Variants in ITIH3 observed in about 807,000 individuals in gnomAD.
The protein encoded by ITIH3 is inter-alpha-trypsin inhibitor heavy chain 3.
ITIH3 carries 81 observed loss-of-function variants against 96.5 expected under a neutral mutation model. That is an observed-to-expected ratio of 0.84 (90% CI 0.70 to 1.01). The LOEUF (loss-of-function observed/expected upper bound fraction) is 1.01, where lower values mean the gene tolerates loss of function less well. Ranked by LOEUF, ITIH3 falls within the 50% of genes least tolerant of loss-of-function variation. The probability of loss-of-function intolerance (pLI) is 0.00; values close to 1 mark genes in which losing one functional copy is unlikely to be tolerated. For missense variants in ITIH3, 1,057 were observed against 1,139.3 expected, an observed-to-expected ratio of 0.93 and a Z score of 1.04; for synonymous variants, 422 against 445.2, an observed-to-expected ratio of 0.95 and a Z score of 0.66.
In ITIH3 at chr3:52,805,810, A is replaced by G. The variant is rs1200265488; in HGVS notation, c.1876A>G (p.Thr626Ala). Residue 626 changes from threonine (T) to alanine (A), a missense_variant and splice_region_variant, in exon 16 of 22, where the codon ACA (threonine) becomes GCA (alanine). Transcript: ENST00000449956. ...ADKPGEDAEA[T>A]PVSPAMSYLT... The stretch of plus-strand genomic sequence containing the variant: ...ACCACTGCCCTTCGGCTTTTCAGCC[A>G]CACCGGTGAGCCCCGCCATGTCCTA... 18 of 1,613,412 alleles carry G rather than the reference A, an allele frequency of 1.1e-5. No individual in the cohort carries two copies. The highest frequency in any genetic ancestry group is 1.5e-5 in the Non-Finnish European group (18 of 1,179,696).
intron 18 of ITIH3, 109 bp from the exon 19 acceptor site, chr3:52,806,792 G>T: frequency 4.7e-6 from 4 of 853,938 alleles, no homozygotes; most frequent in Non-Finnish European, 7.6e-6. Flanking sequence ...TGTGGCCCCC[G>T]CTCTGCTGCC....
At position 52,796,624 on chromosome 3, in the gene ITIH3, G is replaced by A. The variant is rs770180023; in HGVS notation, c.258G>A (p.Thr86=). Residue 86 remains threonine, a synonymous_variant, in exon 3 of 22, where the codon ACG becomes ACA. Transcript: ENST00000449956. The part of the protein sequence containing the change: ...EVSFDVELPK[T]AFITNFTLTI... Reference sequence around the variant, plus strand: ...CCTTTGATGTGGAGCTGCCCAAGACGGCCTTCATCACCAACTTCACCTTGT... The same window carrying A: ...CCTTTGATGTGGAGCTGCCCAAGACAGCCTTCATCACCAACTTCACCTTGT... 6.2e-6 allele frequency: 10 copies of A among 1,612,430 alleles called. No homozygotes were observed. The highest frequency in any genetic ancestry group is 1.1e-5 in the South Asian group (1 of 90,828).
intron 5 of ITIH3, 38 bp from the exon 6 acceptor site, chr3:52,797,779 G>A: frequency 1.5e-6 from 2 of 1,339,206 alleles, no homozygotes; most frequent in Non-Finnish European, 2.1e-6. Flanking sequence ...TGGCCTCTGA[G>A]GTCACTGAGT....
intron 15 of ITIH3, 104 bp downstream of exon 15, chr3:52,804,838 A>G: frequency 7.7e-7 from 1 of 1,294,950 alleles, no homozygotes; most frequent in African/African-American, 1.5e-5. Flanking sequence ...ATGGGGGCAC[A>G]CTTGGGACAC....
At chr3:52,804,353 C>T in intron 14 of ITIH3, 3 of 436,170 alleles carry the variant, frequency 6.9e-6, no homozygotes, top group South Asian at 6.0e-5. Context: ...CTGGAGCAGG[C>T]TATCAGGCAC....
chr3:52,801,798 A>T (rs1699839549), intron 11 of ITIH3, among the ~76,000 whole-genome samples: 2 of 152,254 alleles, frequency 1.3e-5, no homozygotes, highest in Admixed American at 6.5e-5. Context: ...CATAACAGAC[A>T]TACCTACACT....
intron 2 of ITIH3, 114 bp from the exon 3 acceptor site, chr3:52,796,367 G>A (rs1699579781): frequency 3.6e-6 from 3 of 835,270 alleles, no homozygotes; most frequent in Non-Finnish European, 3.8e-6. Flanking sequence ...GATGAGGGTT[G>A]CGTGCCGGGC....
In ITIH3 at chr3:52,805,751, G is replaced by A. The variant is rs747631286; in HGVS notation, c.1874-57G>A. Reference sequence around the variant, plus strand: ...AGCGCTAAGACAGGAGGAAGGCACGGGGCTGGGGGAGAAGGAACCCCTAGA... The same window carrying A: ...AGCGCTAAGACAGGAGGAAGGCACGAGGCTGGGGGAGAAGGAACCCCTAGA... On this transcript the variant is annotated intron_variant, in intron 15 of 21. Transcript: ENST00000449956. 6.8e-6 allele frequency: 11 copies of A among 1,610,476 alleles called. No homozygotes were observed. The South Asian group carries it at 1.1e-4, about 16-fold the overall frequency.
chr3:52,802,582 G>A, intron 12 of ITIH3, 63 bp downstream of exon 12: 1 of 1,610,980 alleles, frequency 6.2e-7, no homozygotes, highest in South Asian at 1.1e-5. Flanking sequence ...TAGGGCTCTG[G>A]CCTCATGAGG....
chr3:52,802,209 G>T, intron 11 of ITIH3, 125 bp from the exon 12 acceptor site: 1 of 988,646 alleles, frequency 1.0e-6, no homozygotes, highest in African/African-American at 1.7e-5. Flanking sequence ...ACGCAGTCAG[G>T]GACAGGCAGA....
chr3:52,795,721 C>A, intron 2 of ITIH3, 98 bp downstream of exon 2: 1 of 1,199,106 alleles, frequency 8.3e-7, no homozygotes, highest in Non-Finnish European at 1.2e-6. Flanking sequence ...GCTGACTCCT[C>A]ACAGCTGGCA....
chr3:52,798,562 A>C, intron 6 of ITIH3: 1 of 193,014 alleles, frequency 5.2e-6, no homozygotes, highest in Non-Finnish European at 1.1e-5. Flanking sequence ...TTCCAAACCT[A>C]CAAGAAATTC....
chr3:52,808,309 T>A, intron 21 of ITIH3, 88 bp downstream of exon 21: 1 of 1,209,684 alleles, frequency 8.3e-7, no homozygotes, highest in Non-Finnish European at 1.2e-6. Flanking sequence ...TCTGGTGGGC[T>A]TTTGTCTTCT....
intron 13 of ITIH3, among the ~76,000 whole-genome samples, chr3:52,803,306 ATTT>A (rs869140480): frequency 3.9e-5 from 5 of 129,500 alleles, no homozygotes; most frequent in Non-Finnish European, 6.5e-5. Context: ...TTATTTATTT[ATTT>A]TATTTTATTA....
At chr3:52,802,965 T>C (rs1699894274) in intron 13 of ITIH3, among the ~76,000 whole-genome samples, 159 bp downstream of exon 13, 1 of 152,196 alleles carries the variant, frequency 6.6e-6, no homozygotes, top group African/African-American at 2.4e-5. Context: ...CCACTCCCCA[T>C]CCTGTCAGCC....
intron 19 of ITIH3, 98 bp downstream of exon 19, chr3:52,807,203 G>A (rs570369021): frequency 1.7e-4 from 186 of 1,072,386 alleles, no homozygotes; most frequent in Non-Finnish European, 2.4e-4. Flanking sequence ...GAGATCCATG[G>A]GGGTCACAGG....
rs562327889 is a variant in ITIH3 at position 52,797,910 on chromosome 3, A to T, written c.643A>T (p.Lys215Ter). 6.2e-7 allele frequency: 1 copy of T among 1,601,512 alleles called. No individual in the cohort carries two copies. The highest frequency in any genetic ancestry group is 8.5e-7 in the Non-Finnish European group (1 of 1,174,156). ...CGACCTCCTGGGAAGCGCCCTCACC[A>T]AGTCCTTCTCAGGGAAAAAGGTGAT... is the stretch of plus-strand genomic sequence containing the variant. ...TNDLLGSALT[K>*]SFSGKKGHVS... Residue 215 changes from lysine (K) to a stop codon, truncating the protein, a stop_gained, in exon 6 of 22, where the codon AAG becomes TAG. Coordinates refer to ENST00000449956, the MANE Select transcript of ITIH3 (RefSeq NM_002217.4). LOFTEE classifies it high-confidence loss of function.
At chr3:52,805,540 GAGA>G in intron 15 of ITIH3, 1 of 1,302,114 alleles carries the variant, frequency 7.7e-7, no homozygotes, top group South Asian at 2.0e-5. Flanking sequence ...ACTCAAGAGA[GAGA>G]AGATGACTTA....
intron 9 of ITIH3, 64 bp from the exon 10 acceptor site, chr3:52,800,474 C>T (rs977943543): frequency 6.5e-7 from 1 of 1,544,706 alleles, no homozygotes. Flanking sequence ...TCCTCCGCTC[C>T]AGCCTGTCTG....
Sources: gnomAD v4.1 joint callset for allele counts (sites outside exome capture counted in the v4.1 genomes callset) on GRCh38, gnomAD v4.1.1 for gene constraint, MANE v1.5 for transcripts, NCBI Gene and HGNC (gene_info 2026-07-23, HGNC 2026-07-21) for gene names.